Variants in WIPF2 observed in about 807,000 individuals in gnomAD.
WIPF2 encodes WAS/WASL-interacting protein family member 2.
A neutral mutation model predicts 38.8 loss-of-function variants in WIPF2; 23 were observed. The ratio of observed to expected loss-of-function variants is 0.59; its 90% CI spans 0.43 to 0.84. The LOEUF (loss-of-function observed/expected upper bound fraction) is 0.84, where lower values mean the gene tolerates loss of function less well. WIPF2 is among the 40% of genes least tolerant of loss of function. The probability of loss-of-function intolerance (pLI) is 0.00; values close to 1 mark genes in which losing one functional copy is unlikely to be tolerated. For synonymous variants in WIPF2, 210 were observed against 223.2 expected (o/e 0.94, Z 0.53); for missense variants, 574 against 580.5 (o/e 0.99, Z 0.11).
At chr17:40,249,567 C>CCTCA (rs1156647427) in intron 1 of WIPF2, among the ~76,000 whole-genome samples, 3 of 151,820 alleles carry the variant, frequency 2.0e-5, no homozygotes, top group African/African-American at 7.3e-5. Flanking sequence ...GGTTCTCCTG[C>CCTCA]CTCAGCCTCC....
intron 4 of WIPF2, among the ~76,000 whole-genome samples, 164 bp from the exon 5 acceptor site, chr17:40,264,326 C>CAA (rs772320240): frequency 0.019 from 451 of 23,890 alleles, 34 homozygotes; most frequent in Middle Eastern, 0.056. Flanking sequence ...AACTTCGTCT[C>CAA]AAAAAAAAAA....
chr17:40,248,514 C>T (rs1043918809), intron 1 of WIPF2, among the ~76,000 whole-genome samples: 13 of 152,088 alleles, frequency 8.5e-5, no homozygotes, highest in Admixed American at 3.3e-4. Context: ...CACTTTGTTA[C>T]CCAGGCTGGT....
chr17:40,270,904 G>GTGTGTGTGTGTGTAT (rs1187463264), intron 5 of WIPF2, among the ~76,000 whole-genome samples: 1 of 152,042 alleles, frequency 6.6e-6, no homozygotes, highest in Non-Finnish European at 1.5e-5. Flanking sequence ...GTGTGTGTAT[G>GTGTGTGTGTGTGTAT]TTATTCTATT....
chr17:40,224,127 T>C (rs2030372073), intron 1 of WIPF2, among the ~76,000 whole-genome samples: 1 of 151,884 alleles, frequency 6.6e-6, no homozygotes, highest in African/African-American at 2.4e-5. Flanking sequence ...ACAGTGTACC[T>C]TTTTGGTTTG....
At chr17:40,274,931 C>CAAAAA (rs777312230) in intron 6 of WIPF2, among the ~76,000 whole-genome samples, 4 of 45,574 alleles carry the variant, frequency 8.8e-5, no homozygotes, top group Non-Finnish European at 1.3e-4. Context: ...GAATCTGTCT[C>CAAAAA]AAAAAAAAAA....
At chr17:40,271,041 T>G (rs569617401) in intron 5 of WIPF2, among the ~76,000 whole-genome samples, 1 of 152,300 alleles carries the variant, frequency 6.6e-6, no homozygotes, top group South Asian at 2.1e-4. Context: ...GGCGCGATGT[T>G]GGCTTATTGC....
intron 6 of WIPF2, 54 bp from the exon 7 acceptor site, chr17:40,277,029 C>T (rs901672163): frequency 4.8e-5 from 70 of 1,471,500 alleles, no homozygotes; most frequent in Non-Finnish European, 6.2e-5. Flanking sequence ...CGATCAGAGG[C>T]CTGTGGGAGC....
chr17:40,268,078 G>A (rs1025204928), intron 5 of WIPF2, among the ~76,000 whole-genome samples: 1 of 152,168 alleles, frequency 6.6e-6, no homozygotes, highest in African/African-American at 2.4e-5. Flanking sequence ...AGCCTGGGAG[G>A]TGGAGGCTGC....
chr17:40,246,892 A>G (rs1488180680), intron 1 of WIPF2, among the ~76,000 whole-genome samples: 1 of 151,852 alleles, frequency 6.6e-6, no homozygotes, highest in Non-Finnish European at 1.5e-5. Flanking sequence ...TGGGCGGATC[A>G]CGACATCAGT....
intron 1 of WIPF2, among the ~76,000 whole-genome samples, chr17:40,234,143 C>G (rs959248122): frequency 3.5e-4 from 53 of 152,000 alleles, no homozygotes; most frequent in African/African-American, 1.3e-3. Flanking sequence ...CTGAGGCAGG[C>G]AGATCACAAG....
At chr17:40,240,729 G>A (rs931541391) in intron 1 of WIPF2, among the ~76,000 whole-genome samples, 1 of 151,834 alleles carries the variant, frequency 6.6e-6, no homozygotes, top group Admixed American at 6.6e-5. Flanking sequence ...CAGATCACGA[G>A]GTCAGGAGAT....
intron 5 of WIPF2, among the ~76,000 whole-genome samples, chr17:40,267,042 GGA>G (rs1430685962): frequency 6.6e-6 from 1 of 152,108 alleles, no homozygotes; most frequent in Non-Finnish European, 1.5e-5. Context: ...GGAGAGTTGA[GGA>G]GAGAGAAGAG....
At chr17:40,220,232 C>G (rs1029951942) in intron 1 of WIPF2, among the ~76,000 whole-genome samples, 1 of 151,750 alleles carries the variant, frequency 6.6e-6, no homozygotes, top group Middle Eastern at 3.4e-3. Context: ...CCACCTTGGA[C>G]TCCCAGAGTG....
chr17:40,222,617 G>A (rs529501627), intron 1 of WIPF2, among the ~76,000 whole-genome samples: 1 of 145,980 alleles, frequency 6.9e-6, no homozygotes, highest in Admixed American at 6.9e-5. Context: ...CTGCGTGCCA[G>A]CCAGGGAAGA....
chr17:40,226,561 C>T (rs569325796), intron 1 of WIPF2, among the ~76,000 whole-genome samples: 2 of 152,020 alleles, frequency 1.3e-5, no homozygotes, highest in South Asian at 4.2e-4. Flanking sequence ...GATGCGATGT[C>T]TGAGATTTGT....
intron 1 of WIPF2, among the ~76,000 whole-genome samples, chr17:40,223,248 A>G (rs1479083228): frequency 4.6e-5 from 7 of 151,854 alleles, no homozygotes; most frequent in African/African-American, 9.7e-5. Flanking sequence ...GGTTCAAGCA[A>G]TTCTCCTGGC....
chr17:40,247,685 C>T (rs1363410081), intron 1 of WIPF2, among the ~76,000 whole-genome samples: 1 of 151,892 alleles, frequency 6.6e-6, no homozygotes, highest in Non-Finnish European at 1.5e-5. Context: ...CCATGCCTGG[C>T]TAATTTTTGT....
Position 40,223,928 on chromosome 17 carries a change from T to A in WIPF2, c.-70+4436T>A, listed in dbSNP as rs974541456. 2.6e-5 allele frequency among the ~76,000 whole-genome samples: 4 copies of A among 152,048 alleles called. No individual in the cohort carries two copies. In the South Asian group the frequency reaches 8.3e-4, roughly 31 times the overall value. ...TTCTTTCTTTACTTGTGTTCTCTGATTGGGAGAGTAACCTGGTATATGTTA... is the reference window on the plus strand; with the variant it reads ...TTCTTTCTTTACTTGTGTTCTCTGAATGGGAGAGTAACCTGGTATATGTTA... On this transcript the variant is annotated intron_variant, in intron 1 of 7. Coordinates refer to ENST00000323571, the MANE Select transcript of WIPF2 (RefSeq NM_133264.5).
At position 40,269,371 on chromosome 17, in the gene WIPF2, C is replaced by T. The variant is rs115797254; in HGVS notation, c.970+4225C>T. Among the ~76,000 whole-genome samples the T allele has an allele frequency of 5.4e-3, 822 of 150,942 alleles. 11 individuals are homozygous for T. The highest frequency in any genetic ancestry group is 0.018 in the African/African-American group (755 of 41,246). On this transcript the variant is annotated intron_variant, in intron 5 of 7. Transcript: ENST00000323571. ...AATAAATTTAAGAAACCTAGCCAGGCGTGGTAGCGTGTGCCTGTGGTCCCA... is the reference window on the plus strand; with the variant it reads ...AATAAATTTAAGAAACCTAGCCAGGTGTGGTAGCGTGTGCCTGTGGTCCCA...
Sources: allele counts gnomAD v4.1 joint callset (sites outside exome capture counted in the v4.1 genomes callset), GRCh38; gene constraint gnomAD v4.1.1; transcripts MANE v1.5; gene names NCBI Gene and HGNC (gene_info 2026-07-23, HGNC 2026-07-21).